The following MYO16 variants were observed in gnomAD, a reference collection of about 807,000 sequenced individuals.
MYO16 encodes the protein myosin XVI.
MYO16 carries 94 observed loss-of-function variants against 205.3 expected under a neutral mutation model. That is an observed-to-expected ratio of 0.46 (90% CI 0.39 to 0.54). The LOEUF is 0.54. MYO16 is among the 20% of genes least tolerant of loss of function. The pLI, the probability that MYO16 is intolerant of heterozygous loss-of-function variation, is 0.00. For synonymous variants in MYO16, 988 were observed against 954.0 expected (o/e 1.04, Z -0.66); for missense variants, 2,315 against 2,387.5 (o/e 0.97, Z 0.63).
At chr13:108,740,287 T>A (rs148248905) in intron 4 of MYO16, among the ~76,000 whole-genome samples, 3,876 of 152,282 alleles carry the variant, frequency 0.025, 62 homozygotes, top group Non-Finnish European at 0.041. Flanking sequence ...TGGTCTTTGA[T>A]GATGGTGACG....
In MYO16 at chr13:108,644,308, G is replaced by T. The variant is rs1317801386; in HGVS notation, c.28+14436G>T. Among the ~76,000 whole-genome samples the T allele has an allele frequency of 3.3e-5, 5 of 152,048 alleles. No homozygotes were observed. The East Asian group carries it at 9.6e-4, about 29-fold the overall frequency. ...CTCCCACCACTCCACTCCCTTTCCA[G>T]GTACCTGGTCTAAAATGGTTGGAGC... On this transcript the variant is annotated intron_variant, in intron 1 of 34. Coordinates refer to ENST00000457511, the MANE Select transcript of MYO16 (RefSeq NM_001198950.3).
the MYO16 span, among the ~76,000 whole-genome samples, chr13:108,553,508 G>A: frequency 1.7e-3 from 260 of 152,222 alleles, 2 homozygotes; most frequent in African/African-American, 6.1e-3. Flanking sequence ...ATCTGTCATG[G>A]TATTTAATCA....
rs1303489403 is a variant in MYO16, at chr13:109,141,090, G to C, written c.4878G>C (p.Ala1626=). The C allele has an allele frequency of 6.7e-7, 1 of 1,483,512 alleles. No individual in the cohort carries two copies. Among genetic ancestry groups the C allele is most frequent in the Non-Finnish European group, 8.9e-7 (1 of 1,119,676 alleles). 91.9% of individuals were successfully genotyped at this position (1,483,512 alleles called of 1,614,324 possible). The change falls in exon 32 of 35, where the codon GCG becomes GCC. Residue 1626 remains alanine, a synonymous_variant. Coordinates refer to ENST00000457511, the MANE Select transcript of MYO16 (RefSeq NM_001198950.3). This position sits in a 1 kb window ranked among gnomAD's most constrained non-coding sequence, Gnocchi z 4.1. ...AFPPEPAPVN[A]GKAGPSAEAP... is the part of the protein sequence containing the mutation. ...CGCCGGAGCCCGCCCCGGTGAACGCGGGGAAAGCGGGGCCGAGCGCAGAGG... is the reference window on the plus strand; with the variant it reads ...CGCCGGAGCCCGCCCCGGTGAACGCCGGGAAAGCGGGGCCGAGCGCAGAGG...
chr13:108,811,906 C>G (rs1415825), intron 7 of MYO16, among the ~76,000 whole-genome samples: 129,149 of 152,186 alleles, frequency 0.85, 58,706 homozygotes, highest in Non-Finnish European at 1. Context: ...CATACTGTGT[C>G]AACACAGTAT....
intron 16 of MYO16, among the ~76,000 whole-genome samples, chr13:108,913,242 C>A (rs2139241810): frequency 6.6e-6 from 1 of 152,300 alleles, no homozygotes; most frequent in South Asian, 2.1e-4. Context: ...TCACCACCCA[C>A]CACCCTCCAG....
chr13:108,626,118 C>T (rs1879725314), upstream of MYO16, among the ~76,000 whole-genome samples: 1 of 151,556 alleles, frequency 6.6e-6, no homozygotes, highest in African/African-American at 2.4e-5. Flanking sequence ...ATAATTTAGC[C>T]TTATTTGAAA....
At chr13:109,185,632 C>T (rs1325746830) in intron 34 of MYO16, among the ~76,000 whole-genome samples, 1 of 152,136 alleles carries the variant, frequency 6.6e-6, no homozygotes, top group Non-Finnish European at 1.5e-5. Flanking sequence ...ACTTAAAAAA[C>T]AGTGATTAAT....
chr13:108,786,528 G>A (rs752005055), intron 5 of MYO16, among the ~76,000 whole-genome samples: 19 of 152,108 alleles, frequency 1.2e-4, no homozygotes, highest in Admixed American at 6.6e-4. Flanking sequence ...AGAGCCACAC[G>A]GAGCTTATGC....
the MYO16 span, among the ~76,000 whole-genome samples, chr13:108,536,443 T>C: frequency 6.9e-5 from 9 of 129,588 alleles, no homozygotes; most frequent in African/African-American, 2.7e-4. Flanking sequence ...CCTTGTTTCT[T>C]GGAGCTGTAT....
intron 34 of MYO16, 51 bp downstream of exon 34, chr13:109,179,684 T>C (rs759466952): frequency 7.0e-7 from 1 of 1,428,966 alleles, no homozygotes; most frequent in South Asian, 1.1e-5. Flanking sequence ...AATTAAGTTA[T>C]GACAAGGCAT....
intron 6 of MYO16, among the ~76,000 whole-genome samples, chr13:108,801,751 G>A (rs879546639): frequency 2.0e-5 from 3 of 152,050 alleles, no homozygotes; most frequent in Non-Finnish European, 4.4e-5. Context: ...TTTTAAACTG[G>A]AATAATAAGA....
intron 4 of MYO16, among the ~76,000 whole-genome samples, chr13:108,762,883 G>A (rs552574835): frequency 6.6e-6 from 1 of 151,886 alleles, no homozygotes; most frequent in African/African-American, 2.4e-5. Context: ...CATTCTGAGG[G>A]GTTTACCTTT....
intron 2 of MYO16, among the ~76,000 whole-genome samples, chr13:108,708,388 T>C (rs1390030697): frequency 1.3e-5 from 2 of 152,248 alleles, no homozygotes; most frequent in Non-Finnish European, 2.9e-5. Context: ...TTCATTATCA[T>C]TTCAGGAGGA....
At chr13:108,941,568 T>C (rs1284137531) in intron 16 of MYO16, among the ~76,000 whole-genome samples, 1 of 151,254 alleles carries the variant, frequency 6.6e-6, no homozygotes, top group African/African-American at 2.4e-5. Context: ...TCCCAGCTAA[T>C]TGGGAGGCTG....
At chr13:108,656,717 T>A (rs1322774849) in intron 1 of MYO16, among the ~76,000 whole-genome samples, 1 of 152,240 alleles carries the variant, frequency 6.6e-6, no homozygotes, top group Non-Finnish European at 1.5e-5. Context: ...TGATTCATTT[T>A]CCTTTTGGAA....
intron 20 of MYO16, among the ~76,000 whole-genome samples, chr13:108,974,819 G>T (rs1884191601): frequency 6.6e-6 from 1 of 152,054 alleles, no homozygotes; most frequent in South Asian, 2.1e-4. Flanking sequence ...CAAGGATCTT[G>T]GTCATTAGGG....
At chr13:108,870,417 T>C (rs1878993045) in intron 12 of MYO16, among the ~76,000 whole-genome samples, 1 of 152,038 alleles carries the variant, frequency 6.6e-6, no homozygotes, top group Non-Finnish European at 1.5e-5. Flanking sequence ...AATTGGAAGG[T>C]GTACTCTGTT....
chr13:108,495,933 G>T, the MYO16 span, among the ~76,000 whole-genome samples: 1 of 151,982 alleles, frequency 6.6e-6, no homozygotes, highest in Non-Finnish European at 1.5e-5. Flanking sequence ...AGGTAGGGGC[G>T]TCGGCGGGGC....
chr13:108,581,456 T>C, the MYO16 span, among the ~76,000 whole-genome samples: 1 of 152,202 alleles, frequency 6.6e-6, no homozygotes, highest in Non-Finnish European at 1.5e-5. Context: ...TATCTTTTTT[T>C]CTACTTATAT....
Sources: allele counts gnomAD v4.1 joint callset (sites outside exome capture counted in the v4.1 genomes callset), GRCh38; gene constraint gnomAD v4.1.1; non-coding constraint Gnocchi (gnomAD v3.1); transcripts MANE v1.5; gene names NCBI Gene and HGNC (gene_info 2026-07-23, HGNC 2026-07-21).